The following RNLS variants were observed in gnomAD, a reference collection of about 807,000 sequenced individuals.
The protein encoded by RNLS is renalase.
A neutral mutation model predicts 39.8 loss-of-function variants in RNLS; 39 were observed. The observed-to-expected ratio is 0.98, with a 90% CI of 0.76 to 1.28. The LOEUF is 1.28. RNLS is among the 50% of genes most tolerant of loss of function. RNLS has a pLI of 0.00. For synonymous variants in RNLS, 147 were observed against 150.7 expected (o/e 0.98, Z 0.18); for missense variants, 410 against 413.3 (o/e 0.99, Z 0.07).
intron 4 of RNLS, among the ~76,000 whole-genome samples, chr10:88,526,517 C>T (rs529134087): frequency 2.2e-4 from 33 of 152,098 alleles, no homozygotes; most frequent in African/African-American, 8.0e-4. Flanking sequence ...AATCCCAACA[C>T]TTTGGGAGGC....
At chr10:88,389,413 T>A (rs1339458119) in intron 4 of RNLS, among the ~76,000 whole-genome samples, 14 of 152,188 alleles carry the variant, frequency 9.2e-5, no homozygotes, top group Non-Finnish European at 1.5e-5. Flanking sequence ...TTTGTCAAAG[T>A]TGTGCTTGAG....
the RNLS span, among the ~76,000 whole-genome samples, chr10:88,266,340 G>A: frequency 5.3e-5 from 8 of 152,222 alleles, no homozygotes; most frequent in Non-Finnish European, 8.8e-5. Flanking sequence ...TGCTCTCAAG[G>A]CTTACGTTCT....
chr10:88,178,323 T>C, the RNLS span, among the ~76,000 whole-genome samples: 1 of 152,190 alleles, frequency 6.6e-6, no homozygotes, highest in Non-Finnish European at 1.5e-5. Context: ...AATGCTATTT[T>C]GCTGCAGCAG....
rs34491405 is a variant in RNLS, at chr10:88,414,243, T to TAA, written c.527-51520_527-51519dup. Among the ~76,000 whole-genome samples, 872 of 146,944 alleles carry TAA rather than the reference T, an allele frequency of 5.9e-3. 5 individuals carry two copies. Among genetic ancestry groups the TAA allele is most frequent in the African/African-American group, 0.019 (778 of 40,404 alleles). On this transcript the variant is annotated intron_variant, in intron 4 of 6. Transcript: ENST00000331772. ...TCTGTGAGCATACGAAAAAAAGTGG[T>TAA]AAAAAAAAAAAGTCCTAGAGTTGAC...
At chr10:88,501,037 G>A (rs566280815) in intron 4 of RNLS, among the ~76,000 whole-genome samples, 7 of 150,944 alleles carry the variant, frequency 4.6e-5, no homozygotes, top group South Asian at 2.1e-4. Context: ...GTGTGTGTGT[G>A]TATATATGTA....
chr10:88,549,842 A>T (rs1848524120), intron 4 of RNLS, among the ~76,000 whole-genome samples: 1 of 152,242 alleles, frequency 6.6e-6, no homozygotes. Context: ...TCACAAATTG[A>T]AATCTGTTTT....
chr10:88,549,539 T>C (rs981546274), intron 4 of RNLS, among the ~76,000 whole-genome samples: 2 of 152,136 alleles, frequency 1.3e-5, no homozygotes, highest in African/African-American at 4.8e-5. Context: ...ACACTCTAGC[T>C]TGGGTGACAC....
In RNLS at chr10:88,582,309, T is replaced by C; in HGVS notation, c.119-2A>G. The stretch of plus-strand genomic sequence containing the variant: ...TGCAGGCTGTAGTCATTCTTCCCCC[T>C]TGAATTAATCCACAGGAAAATGTCT... On this transcript the variant is annotated splice_acceptor_variant, in intron 1 of 6. Transcript: ENST00000331772. LOFTEE classifies it high-confidence loss of function. 6.2e-7 allele frequency: 1 copy of C among 1,611,004 alleles called. No individual in the cohort carries two copies. The highest frequency in any genetic ancestry group is 8.5e-7 in the Non-Finnish European group (1 of 1,178,334).
intron 3 of RNLS, among the ~76,000 whole-genome samples, chr10:88,575,124 GTA>G (rs1174268534): frequency 0.011 from 1,039 of 98,854 alleles, 9 homozygotes; most frequent in Non-Finnish European, 0.015. Context: ...GTTCTGCAAA[GTA>G]TATATATATA....
At chr10:88,444,457 C>A (rs1033457448) in intron 4 of RNLS, among the ~76,000 whole-genome samples, 1 of 152,182 alleles carries the variant, frequency 6.6e-6, no homozygotes, top group Non-Finnish European at 1.5e-5. Flanking sequence ...AGCAACAGAA[C>A]AAAGCTGGAC....
intron 4 of RNLS, 135 bp from the exon 5 acceptor site, chr10:88,362,860 G>T: frequency 1.4e-6 from 1 of 733,018 alleles, no homozygotes; most frequent in Non-Finnish European, 2.1e-6. Flanking sequence ...ATTTTGAAAG[G>T]TAATGTAAAA....
intron 4 of RNLS, among the ~76,000 whole-genome samples, chr10:88,473,835 A>AT (rs937265944): frequency 6.6e-6 from 1 of 151,628 alleles, no homozygotes; most frequent in African/African-American, 2.4e-5. Flanking sequence ...ATATATATAT[A>AT]TTTTTCTCTC....
intron 4 of RNLS, among the ~76,000 whole-genome samples, chr10:88,480,895 C>T (rs1844124866): frequency 6.6e-6 from 1 of 151,382 alleles, no homozygotes; most frequent in African/African-American, 2.4e-5. Flanking sequence ...TAGTGACAAC[C>T]AAATATTTTA....
the RNLS span, among the ~76,000 whole-genome samples, chr10:88,227,847 C>G: frequency 1.1e-4 from 17 of 152,162 alleles, no homozygotes; most frequent in Non-Finnish European, 1.9e-4. Flanking sequence ...CTGTCGTAGA[C>G]GCTCGTCATC....
At chr10:88,197,953 T>G in the RNLS span, among the ~76,000 whole-genome samples, 10 of 152,216 alleles carry the variant, frequency 6.6e-5, no homozygotes, top group African/African-American at 2.2e-4. Context: ...TTAAACCACT[T>G]AGTCTGTGGT....
intron 4 of RNLS, among the ~76,000 whole-genome samples, chr10:88,504,756 T>C (rs1336041154): frequency 6.6e-6 from 1 of 152,014 alleles, no homozygotes; most frequent in Non-Finnish European, 1.5e-5. Context: ...ATTTTCTCAG[T>C]AGTTTTGTTA....
intron 4 of RNLS, among the ~76,000 whole-genome samples, chr10:88,452,373 A>C (rs1842410377): frequency 6.6e-6 from 1 of 152,180 alleles, no homozygotes. Context: ...ATAATCACAC[A>C]CTGCATGCTC....
chr10:88,443,896 C>T (rs1489444122), intron 4 of RNLS, among the ~76,000 whole-genome samples: 1 of 152,248 alleles, frequency 6.6e-6, no homozygotes, highest in Admixed American at 6.5e-5. Flanking sequence ...CCTCTCGGGG[C>T]AGGGCATAGC....
intron 5 of RNLS, among the ~76,000 whole-genome samples, chr10:88,320,555 G>A (rs1846110014): frequency 6.7e-6 from 1 of 148,200 alleles, no homozygotes; most frequent in South Asian, 2.3e-4. Flanking sequence ...AGAGACCAAT[G>A]TCACACATTA....
Sources: allele counts gnomAD v4.1 joint callset (sites outside exome capture counted in the v4.1 genomes callset), GRCh38; gene constraint gnomAD v4.1.1; transcripts MANE v1.5; gene names NCBI Gene and HGNC (gene_info 2026-07-23, HGNC 2026-07-21).